Variants in CADM2 observed in about 807,000 individuals in gnomAD.
The protein encoded by CADM2 is immunoglobulin superfamily member 4D.
A neutral mutation model predicts 49.8 loss-of-function variants in CADM2; 12 were observed. The ratio of observed to expected loss-of-function variants is 0.24; its 90% CI spans 0.15 to 0.39. CADM2 has a LOEUF of 0.39. Ranked by LOEUF, CADM2 falls within the 10% of genes least tolerant of loss-of-function variation. The pLI is 1.00. For missense variants in CADM2, 378 were observed against 492.3 expected, an observed-to-expected ratio of 0.77 and a Z score of 2.20; for synonymous variants, 214 against 175.4, an observed-to-expected ratio of 1.22 and a Z score of -1.74.
chr3:85,582,791 A>G (rs948261911), intron 1 of CADM2, among the ~76,000 whole-genome samples: 11 of 152,128 alleles, frequency 7.2e-5, no homozygotes, highest in East Asian at 5.8e-4. Context: ...GTTGTCAGCT[A>G]TTTATCTTGG....
chr3:85,728,192 T>C (rs2107788031), intron 2 of CADM2, among the ~76,000 whole-genome samples: 1 of 152,310 alleles, frequency 6.6e-6, no homozygotes, highest in East Asian at 1.9e-4. Context: ...ATTTCAGGAC[T>C]CAAGCTGACT....
intron 2 of CADM2, among the ~76,000 whole-genome samples, chr3:85,748,363 A>C (rs2068703997): frequency 6.6e-6 from 1 of 152,038 alleles, no homozygotes; most frequent in African/African-American, 2.4e-5. Flanking sequence ...AGCAGACAGC[A>C]TTGCCAAAAG....
intron 3 of CADM2, among the ~76,000 whole-genome samples, chr3:85,873,888 C>G (rs180679807): frequency 6.6e-6 from 1 of 151,694 alleles, no homozygotes; most frequent in Admixed American, 6.6e-5. Context: ...TCCTTCATCC[C>G]CAAAAGGGAA....
intron 3 of CADM2, among the ~76,000 whole-genome samples, chr3:85,834,215 A>T (rs1382421860): frequency 6.6e-6 from 1 of 151,644 alleles, no homozygotes; most frequent in Non-Finnish European, 1.5e-5. Context: ...AAGAGAAAAA[A>T]ATTATTATAC....
intron 8 of CADM2, among the ~76,000 whole-genome samples, chr3:85,984,036 T>C (rs1473029653): frequency 2.0e-5 from 3 of 149,620 alleles, no homozygotes; most frequent in Non-Finnish European, 4.5e-5. Context: ...TTATACATAT[T>C]ATATATGATC....
intron 1 of CADM2, among the ~76,000 whole-genome samples, chr3:85,060,458 T>G (rs1213824431): frequency 6.6e-6 from 1 of 152,208 alleles, no homozygotes; most frequent in Admixed American, 6.6e-5. Context: ...TTTGCATTCC[T>G]GCTTAAAATA....
intron 1 of CADM2, among the ~76,000 whole-genome samples, chr3:84,963,309 T>C (rs2030712414): frequency 6.6e-6 from 1 of 152,188 alleles, no homozygotes; most frequent in Admixed American, 6.5e-5. Context: ...GTAGATCCAG[T>C]TCAATTGCTA....
chr3:84,971,190 A>G (rs993288485), intron 1 of CADM2, among the ~76,000 whole-genome samples: 3 of 152,140 alleles, frequency 2.0e-5, no homozygotes, highest in African/African-American at 7.2e-5. Flanking sequence ...ATTTCAGACC[A>G]ACATTCTTGT....
At chr3:86,046,603 T>TA (rs1205998711) in intron 8 of CADM2, among the ~76,000 whole-genome samples, 2 of 152,006 alleles carry the variant, frequency 1.3e-5, no homozygotes, top group Non-Finnish European at 2.9e-5. Flanking sequence ...CACCGCACAG[T>TA]AAAAAATCAC....
intron 1 of CADM2, among the ~76,000 whole-genome samples, chr3:85,523,642 A>G (rs1435319270): frequency 6.6e-6 from 1 of 152,066 alleles, no homozygotes; most frequent in Non-Finnish European, 1.5e-5. Context: ...AAATAATAAT[A>G]ACTTATCAAT....
intron 1 of CADM2, among the ~76,000 whole-genome samples, chr3:85,096,963 G>A (rs933441878): frequency 2.6e-5 from 4 of 152,060 alleles, no homozygotes; most frequent in Non-Finnish European, 5.9e-5. Context: ...AATGCTAGTA[G>A]TGTGCCAGTA....
chr3:85,390,587 C>G (rs1047570376), intron 1 of CADM2, among the ~76,000 whole-genome samples: 2 of 151,996 alleles, frequency 1.3e-5, no homozygotes, highest in African/African-American at 4.8e-5. Context: ...ACTTCACAAG[C>G]GTTTCCTCTA....
At chr3:85,835,540 A>G (rs1305190898) in intron 3 of CADM2, among the ~76,000 whole-genome samples, 1 of 151,050 alleles carries the variant, frequency 6.6e-6, no homozygotes, top group Non-Finnish European at 1.5e-5. Context: ...TATCAAATAT[A>G]CTTTAGAGAA....
At chr3:85,823,470 C>G (rs1286441074) in intron 3 of CADM2, among the ~76,000 whole-genome samples, 1 of 152,072 alleles carries the variant, frequency 6.6e-6, no homozygotes, top group Non-Finnish European at 1.5e-5. Context: ...AAACCACAAA[C>G]CACATTACTG....
intron 1 of CADM2, among the ~76,000 whole-genome samples, chr3:85,486,574 T>C (rs1240590796): frequency 6.6e-6 from 1 of 152,168 alleles, no homozygotes; most frequent in East Asian, 1.9e-4. Context: ...CCATTCTCTA[T>C]TTTGTAATAT....
intron 2 of CADM2, among the ~76,000 whole-genome samples, chr3:85,762,129 A>C (rs2069420138): frequency 6.6e-6 from 1 of 152,172 alleles, no homozygotes; most frequent in Non-Finnish European, 1.5e-5. Context: ...TCCTTTACAT[A>C]ACTAAGTGTA....
At chr3:85,676,880 CAT>C (rs1228935785) in intron 1 of CADM2, among the ~76,000 whole-genome samples, 6 of 152,124 alleles carry the variant, frequency 3.9e-5, no homozygotes, top group African/African-American at 1.4e-4. Context: ...CCTTTTCAAA[CAT>C]AGTTTCCGTG....
intron 7 of CADM2, among the ~76,000 whole-genome samples, chr3:85,947,337 G>A (rs1258323552): frequency 1.3e-5 from 2 of 151,420 alleles, no homozygotes; most frequent in African/African-American, 4.8e-5. Context: ...TCTTATACCA[G>A]CAGTACTTCG....
intron 3 of CADM2, among the ~76,000 whole-genome samples, chr3:85,876,655 T>C (rs1411614274): frequency 6.6e-6 from 1 of 152,158 alleles, no homozygotes; most frequent in Non-Finnish European, 1.5e-5. Context: ...AATCTAAAGA[T>C]ACCTTTTAAA....
Sources: allele counts gnomAD v4.1 joint callset (sites outside exome capture counted in the v4.1 genomes callset), GRCh38; gene constraint gnomAD v4.1.1; transcripts MANE v1.5; gene names NCBI Gene and HGNC (gene_info 2026-07-23, HGNC 2026-07-21).